Variants in EPB41L4A observed in about 807,000 individuals in gnomAD.
EPB41L4A encodes the protein erythrocyte membrane protein band 4.1 like 4A.
A neutral mutation model predicts 108.6 loss-of-function variants in EPB41L4A; 100 were observed. That is an observed-to-expected ratio of 0.92 (90% CI 0.78 to 1.09). The LOEUF (loss-of-function observed/expected upper bound fraction) is 1.09, where lower values mean the gene tolerates loss of function less well. Ranked by LOEUF, EPB41L4A falls within the 50% of genes least tolerant of loss-of-function variation. EPB41L4A has a pLI of 0.00. For missense variants in EPB41L4A, 1,030 were observed against 842.7 expected (o/e 1.22, Z -2.75); for synonymous variants, 319 against 289.0 (o/e 1.10, Z -1.05).
At chr5:112,402,655 C>T (rs1735509486) in intron 1 of EPB41L4A, among the ~76,000 whole-genome samples, 1 of 152,160 alleles carries the variant, frequency 6.6e-6, no homozygotes, top group Non-Finnish European at 1.5e-5. Context: ...CCACCCCTCC[C>T]CTGGGGAGAA....
chr5:112,398,792 A>G (rs61367479), intron 1 of EPB41L4A, among the ~76,000 whole-genome samples: 5,105 of 152,166 alleles, frequency 0.034, 284 homozygotes, highest in African/African-American at 0.11. Flanking sequence ...TTAACAAAAT[A>G]AGACTGCCAA....
chr5:112,210,006 A>T, intron 12 of EPB41L4A, 24 bp from the exon 13 acceptor site: 2 of 1,371,678 alleles, frequency 1.5e-6, no homozygotes, highest in Non-Finnish European at 2.1e-6. Flanking sequence ...AGAAGGAAAG[A>T]TGGAAGAGAG....
chr5:112,240,504 C>G (rs1273651491), intron 10 of EPB41L4A, among the ~76,000 whole-genome samples: 1 of 152,096 alleles, frequency 6.6e-6, no homozygotes, highest in African/African-American at 2.4e-5. Context: ...AAAGATATAA[C>G]TGTATCTATG....
chr5:112,382,812 C>T (rs553931796), intron 1 of EPB41L4A, among the ~76,000 whole-genome samples: 3 of 152,286 alleles, frequency 2.0e-5, no homozygotes, highest in African/African-American at 7.2e-5. Flanking sequence ...GCTTCTAACT[C>T]TTTCCACATT....
chr5:112,323,681 T>G (rs1025507347), intron 1 of EPB41L4A, among the ~76,000 whole-genome samples: 1 of 152,190 alleles, frequency 6.6e-6, no homozygotes, highest in Non-Finnish European at 1.5e-5. Context: ...TCCCCATCTT[T>G]GCCCTCCTTC....
At chr5:112,178,263 A>G (rs185481478) in intron 18 of EPB41L4A, among the ~76,000 whole-genome samples, 8 of 152,320 alleles carry the variant, frequency 5.3e-5, no homozygotes, top group Admixed American at 4.6e-4. Flanking sequence ...GGAAAAAACC[A>G]TACATATGCA....
chr5:112,225,318 C>T (rs1748375278), intron 12 of EPB41L4A, among the ~76,000 whole-genome samples: 1 of 152,214 alleles, frequency 6.6e-6, no homozygotes, highest in African/African-American at 2.4e-5. Flanking sequence ...TGCCCCTCTC[C>T]TTGAAGACTC....
intron 16 of EPB41L4A, 89 bp downstream of exon 16, chr5:112,195,572 A>C: frequency 9.2e-7 from 1 of 1,092,778 alleles, no homozygotes; most frequent in Non-Finnish European, 1.4e-6. Context: ...AAAAAAAAAT[A>C]ATGCCCCCGC....
intron 12 of EPB41L4A, among the ~76,000 whole-genome samples, chr5:112,233,388 G>C (rs1017947118): frequency 2.6e-5 from 4 of 152,294 alleles, no homozygotes; most frequent in Admixed American, 6.5e-5. Flanking sequence ...ATGCAGGCTA[G>C]ATTAAACTTT....
chr5:112,206,918 T>G (rs1269062532), intron 13 of EPB41L4A: 2 of 152,084 alleles, frequency 1.3e-5, no homozygotes, highest in African/African-American at 4.8e-5. Flanking sequence ...ACCAACATCA[T>G]TTTTTCACAG....
Position 112,419,152 on chromosome 5 carries a change from G to A in EPB41L4A, c.-113C>T, listed in dbSNP as rs954498755. On this transcript the variant is annotated 5_prime_UTR_variant, in exon 1 of 23. Transcript: ENST00000261486. ...ATTGTCCGCGCCGTGGCGAGGGTGA[G>A]ACGAGCAGCTCCCGGCGGGGTCCGG... 1.3e-5 allele frequency: 10 copies of A among 785,316 alleles called. No individual in the cohort carries two copies. Among genetic ancestry groups the A allele is most frequent in the Non-Finnish European group, 2.1e-5 (10 of 473,926 alleles). 48.6% of individuals were successfully genotyped at this position (785,316 alleles called of 1,614,324 possible). A position where few individuals can be genotyped will look rare whatever the true frequency, so the allele number is the denominator to read the frequency against.
intron 1 of EPB41L4A, among the ~76,000 whole-genome samples, chr5:112,309,270 C>A (rs1238867253): frequency 6.6e-6 from 1 of 152,158 alleles, no homozygotes; most frequent in Non-Finnish European, 1.5e-5. Flanking sequence ...AGAACCAATA[C>A]CCCCAAGATT....
intron 12 of EPB41L4A, among the ~76,000 whole-genome samples, chr5:112,210,881 C>G (rs1180931764): frequency 6.6e-6 from 1 of 151,932 alleles, no homozygotes; most frequent in African/African-American, 2.4e-5. Context: ...GTGTCTTCCT[C>G]GGAGCTACTC....
intron 17 of EPB41L4A, among the ~76,000 whole-genome samples, chr5:112,188,217 C>CTT (rs149945912): frequency 4.0e-5 from 6 of 150,572 alleles, no homozygotes; most frequent in African/African-American, 1.2e-4. Flanking sequence ...ATAAAGCAAT[C>CTT]TTTTTTTTTT....
At chr5:112,364,504 A>G (rs1758995237) in intron 1 of EPB41L4A, among the ~76,000 whole-genome samples, 1 of 152,234 alleles carries the variant, frequency 6.6e-6, no homozygotes, top group Admixed American at 6.5e-5. Flanking sequence ...CCATGACATG[A>G]GCACATTTTC....
In EPB41L4A at chr5:112,234,639, G is replaced by A; in HGVS notation, c.1082C>T (p.Pro361Leu). The A allele has an allele frequency of 1.2e-6, 2 of 1,612,852 alleles. No individual in the cohort carries two copies. The highest frequency in any genetic ancestry group is 1.7e-6 in the Non-Finnish European group (2 of 1,179,148). The change falls in exon 12 of 23, where the codon CCA becomes CTA. Residue 361 changes from proline to leucine, a missense_variant. Coordinates refer to ENST00000261486, the MANE Select transcript of EPB41L4A (RefSeq NM_022140.5). ...TYPKRIAQTQ[P>L]AESNSISRIT... ...TCAGGGGAACCATGACTTACCAGCT[G>A]GCTGTGTTTGTGCTATTCGCTTAGG... is the stretch of plus-strand genomic sequence containing the variant.
chr5:112,148,126 TATA>T (rs1561427602), intron 12 of EPB41L4A, among the ~76,000 whole-genome samples: 1 of 148,030 alleles, frequency 6.8e-6, no homozygotes, highest in Non-Finnish European at 1.5e-5. Flanking sequence ...AATATAATAA[TATA>T]ATAGTATTAC....
intron 11 of EPB41L4A, 82 bp from the exon 12 acceptor site, chr5:112,234,837 CA>C: frequency 1.4e-6 from 2 of 1,446,842 alleles, no homozygotes; most frequent in Non-Finnish European, 1.9e-6. Context: ...GAACATCTGC[CA>C]AATATGGAGA....
chr5:112,157,525 C>T (rs915131185), intron 12 of EPB41L4A, among the ~76,000 whole-genome samples: 31 of 152,196 alleles, frequency 2.0e-4, no homozygotes, highest in African/African-American at 7.5e-4. Flanking sequence ...ATCCCTGCTC[C>T]TTTGCTGTCA....
Sources: gnomAD v4.1 joint callset for allele counts (sites outside exome capture counted in the v4.1 genomes callset) on GRCh38, gnomAD v4.1.1 for gene constraint, MANE v1.5 for transcripts, NCBI Gene and HGNC (gene_info 2026-07-23, HGNC 2026-07-21) for gene names.